The following DYM variants were observed in gnomAD, a reference collection of about 807,000 sequenced individuals.
DYM encodes the protein dyggve-Melchior-Clausen syndrome protein.
A neutral mutation model predicts 93.1 loss-of-function variants in DYM; 78 were observed. The observed-to-expected ratio is 0.84, with a 90% confidence interval of 0.70 to 1.01. The LOEUF (loss-of-function observed/expected upper bound fraction) is 1.01, where lower values mean the gene tolerates loss of function less well. Ranked by LOEUF, DYM falls within the 50% of genes least tolerant of loss-of-function variation. The pLI is 0.00. For synonymous variants in DYM, 321 were observed against 319.7 expected (o/e 1.00, Z -0.04); for missense variants, 789 against 845.0 (o/e 0.93, Z 0.82).
intron 17 of DYM, among the ~76,000 whole-genome samples, chr18:49,055,667 T>G (rs911853036): frequency 6.6e-6 from 1 of 152,194 alleles, no homozygotes; most frequent in East Asian, 1.9e-4. Context: ...TGCCCATTAG[T>G]AGCCCCAGGC....
intron 1 of DYM, among the ~76,000 whole-genome samples, chr18:49,434,396 T>A (rs1024863902): frequency 1.3e-5 from 2 of 150,668 alleles, no homozygotes; most frequent in African/African-American, 4.9e-5. Context: ...GGCAGGTACC[T>A]GTAATCCCAG....
intron 17 of DYM, among the ~76,000 whole-genome samples, chr18:49,080,629 G>T (rs1401333673): frequency 2.7e-5 from 4 of 147,256 alleles, no homozygotes; most frequent in Non-Finnish European, 6.0e-5. Context: ...GCGGCTGGCC[G>T]GGCGGGGGGC....
chr18:49,053,722 T>C (rs2075230079), intron 17 of DYM, among the ~76,000 whole-genome samples: 1 of 152,122 alleles, frequency 6.6e-6, no homozygotes, highest in Non-Finnish European at 1.5e-5. Flanking sequence ...GAAGGATAAA[T>C]TTGGGGATTA....
chr18:49,289,404 T>TAAAAAAAAAAAAAAAA (rs56240607), intron 8 of DYM, among the ~76,000 whole-genome samples: 5 of 33,508 alleles, frequency 1.5e-4, no homozygotes, highest in African/African-American at 2.4e-4. Context: ...TACAAATCAG[T>TAAAAAAAAAAAAAAAA]AAAAAAAAAA....
At chr18:49,077,491 TATCA>T (rs150812650) in intron 17 of DYM, among the ~76,000 whole-genome samples, 2,168 of 152,348 alleles carry the variant, frequency 0.014, 49 homozygotes, top group African/African-American at 0.049. Context: ...GTTCTGGGAA[TATCA>T]ATCAAGGTGA....
chr18:49,430,246 A>ATC lies in DYM; in HGVS notation c.140+7_140+8dup, dbSNP rs760890607. 3.7e-6 allele frequency: 6 copies of ATC among 1,613,666 alleles called. No homozygotes were observed. In the African/African-American group the frequency reaches 4.0e-5, roughly 11 times the overall value. On this transcript the variant is annotated intron_variant, in intron 2 of 17. Transcript: ENST00000675505. ...TATTCAAATTTTCAATCTCCAGGCA[A>ATC]TCTCTTACCTGCTAGTTGGTGCAGG... is the stretch of plus-strand genomic sequence containing the variant.
chr18:49,217,428 G>A (rs1209531560), intron 13 of DYM, among the ~76,000 whole-genome samples: 1 of 152,030 alleles, frequency 6.6e-6, no homozygotes, highest in African/African-American at 2.4e-5. Flanking sequence ...TCCTCGAGAA[G>A]AGCAACTCCA....
At chr18:49,365,533 A>G (rs1270142615) in intron 5 of DYM, among the ~76,000 whole-genome samples, 2 of 152,170 alleles carry the variant, frequency 1.3e-5, no homozygotes, top group Non-Finnish European at 2.9e-5. Flanking sequence ...CAAGTTAACA[A>G]CCTACTCCAA....
chr18:49,314,246 G>A (rs1269812955), intron 8 of DYM, among the ~76,000 whole-genome samples: 1 of 152,176 alleles, frequency 6.6e-6, no homozygotes, highest in Non-Finnish European at 1.5e-5. Context: ...CACACTATAT[G>A]TGTTCTTTTT....
In DYM at chr18:49,444,276, G is replaced by T. The variant is rs191444207; in HGVS notation, c.-53-13829C>A. ...GAAGCTAAATATCCTGACGCGTCCTGCCACGAAACAATACAATGGCTTAAC... is the reference window on the plus strand; with the variant it reads ...GAAGCTAAATATCCTGACGCGTCCTTCCACGAAACAATACAATGGCTTAAC... On this transcript the variant is annotated intron_variant, in intron 1 of 17. Transcript: ENST00000675505. Among the ~76,000 whole-genome samples, 46 of 152,202 alleles carry T rather than the reference G, an allele frequency of 3.0e-4. 1 individual carries two copies. Among genetic ancestry groups the T allele is most frequent in the African/African-American group, 1.1e-3 (45 of 41,524 alleles).
intron 16 of DYM, among the ~76,000 whole-genome samples, chr18:49,097,879 C>G (rs887215682): frequency 2.5e-4 from 21 of 82,732 alleles, no homozygotes; most frequent in African/African-American, 1.5e-3. Flanking sequence ...TATTAGCTCT[C>G]TCTCTCTCTC....
rs1163744605 is a variant in DYM at position 49,452,909 on chromosome 18, G to A, written c.-54+7489C>T. ...GCACTCTGTGTCTAGCTCAAGGTTT[G>A]TGAACAGACCAATCAGCACCCTGTG... On this transcript the variant is annotated intron_variant, in intron 1 of 17. Transcript: ENST00000675505. Among the ~76,000 whole-genome samples the A allele has an allele frequency of 1.5e-5, 2 of 133,912 alleles. 1 individual carries two copies. Among genetic ancestry groups the A allele is most frequent in the Non-Finnish European group, 3.2e-5 (2 of 61,766 alleles). The allele number at this position is 133,912 out of a possible 152,430, so 87.9% of individuals were successfully genotyped here. A position where few individuals can be genotyped will look rare whatever the true frequency, so the allele number is the denominator to read the frequency against.
chr18:49,090,960 T>C (rs773617000), intron 17 of DYM, among the ~76,000 whole-genome samples: 1 of 152,222 alleles, frequency 6.6e-6, no homozygotes, highest in Non-Finnish European at 1.5e-5. Flanking sequence ...TGGAATAATG[T>C]AGACTTTTAA....
At chr18:49,340,669 T>A (rs2658743) in intron 6 of DYM, among the ~76,000 whole-genome samples, 143,077 of 152,326 alleles carry the variant, frequency 0.94, 67,271 homozygotes, top group East Asian at 1. Context: ...ACATAAGAGG[T>A]TGGGGAACAT....
intron 17 of DYM, among the ~76,000 whole-genome samples, chr18:49,052,505 C>T (rs1158225128): frequency 6.6e-6 from 1 of 152,198 alleles, no homozygotes; most frequent in African/African-American, 2.4e-5. Context: ...AATGTCAAAT[C>T]AACAACCTAG....
intron 17 of DYM, chr18:49,097,071 T>C (rs1599718188): frequency 2.5e-6 from 1 of 403,934 alleles, no homozygotes; most frequent in Non-Finnish European, 4.7e-6. Context: ...TTAGCTACTC[T>C]TGTGATCATC....
chr18:49,071,417 T>C lies in DYM; in HGVS notation c.2025+25985A>G, dbSNP rs185254509. 3.3e-5 allele frequency among the ~76,000 whole-genome samples: 5 copies of C among 152,336 alleles called. No individual in the cohort carries two copies. In the East Asian group the frequency reaches 9.6e-4, roughly 29 times the overall value. ...GTCTGTGTAACATTCTGTGATACAA[T>C]TGAAACCACGGACACAATGCTCTAA... On this transcript the variant is annotated intron_variant, in intron 17 of 17. Coordinates refer to ENST00000675505, the MANE Select transcript of DYM (RefSeq NM_001353214.3).
intron 8 of DYM, among the ~76,000 whole-genome samples, chr18:49,302,100 C>G (rs1599262846): frequency 6.6e-6 from 1 of 152,140 alleles, no homozygotes; most frequent in Non-Finnish European, 1.5e-5. Flanking sequence ...GATCCGAGTA[C>G]AAGCCAATGA....
At chr18:49,394,607 G>T (rs370626316) in intron 2 of DYM, among the ~76,000 whole-genome samples, 1 of 152,142 alleles carries the variant, frequency 6.6e-6, no homozygotes, top group South Asian at 2.1e-4. Context: ...TGAATCTGTA[G>T]ATCACTTGAG....
Sources: gnomAD v4.1 joint callset for allele counts (sites outside exome capture counted in the v4.1 genomes callset) on GRCh38, gnomAD v4.1.1 for gene constraint, MANE v1.5 for transcripts, NCBI Gene and HGNC (gene_info 2026-07-23, HGNC 2026-07-21) for gene names.